SMG7: variants seen among roughly 807,000 people sequenced by gnomAD.
SMG7 encodes nonsense-mediated mRNA decay factor SMG7.
A neutral mutation model predicts 148.2 loss-of-function variants in SMG7; 34 were observed. The ratio of observed to expected loss-of-function variants is 0.23; its 90% CI spans 0.17 to 0.31. SMG7 has a LOEUF of 0.31. SMG7 is among the 10% of genes least tolerant of loss of function. The probability of loss-of-function intolerance (pLI) is 1.00; values close to 1 mark genes in which losing one functional copy is unlikely to be tolerated. For synonymous variants in SMG7, 492 were observed against 515.1 expected (o/e 0.96, Z 0.61); for missense variants, 1,114 against 1,408.4 (o/e 0.79, Z 3.35).
intron 10 of SMG7, among the ~76,000 whole-genome samples, chr1:183,534,328 C>T (rs1667363538): frequency 6.6e-6 from 1 of 152,186 alleles, no homozygotes; most frequent in African/African-American, 2.4e-5. Context: ...TCTCTACTCA[C>T]AGTAATTCTG....
Position 183,473,551 on chromosome 1 carries a change from T to A in SMG7, c.29+902T>A, listed in dbSNP as rs930275596. On this transcript the variant is annotated intron_variant, in intron 1 of 22. Coordinates refer to ENST00000688051, the MANE Select transcript of SMG7 (RefSeq NM_001375584.1). ...TTGAATGGAAGGACACCAGCTTTTG[T>A]GTCAGCTGAAAGGTTCCATGGAAGC... 8.5e-5 allele frequency among the ~76,000 whole-genome samples: 13 copies of A among 152,100 alleles called. 1 individual carries two copies. Among genetic ancestry groups the A allele is most frequent in the Non-Finnish European group, 1.9e-4 (13 of 68,008 alleles).
intron 1 of SMG7, among the ~76,000 whole-genome samples, chr1:183,498,489 G>A (rs1443551970): frequency 6.6e-6 from 1 of 152,210 alleles, no homozygotes; most frequent in Non-Finnish European, 1.5e-5. Flanking sequence ...CTGCACTCCA[G>A]TCTGGGCAAT....
chr1:183,540,149 T>C (rs565532959), intron 12 of SMG7, among the ~76,000 whole-genome samples: 2 of 152,308 alleles, frequency 1.3e-5, no homozygotes, highest in African/African-American at 4.8e-5. Context: ...GCCTAGAACA[T>C]TTCCTTCTCC....
At position 183,542,212 on chromosome 1, in the gene SMG7, G is replaced by T. The variant is rs200975090; in HGVS notation, c.1552G>T (p.Asp518Tyr). 3.7e-6 allele frequency: 6 copies of T among 1,614,092 alleles called. No individual in the cohort carries two copies. Among genetic ancestry groups the T allele is most frequent in the East Asian group, 4.5e-5 (2 of 44,868 alleles). The change falls in exon 14 of 23, where the codon GAT (aspartate) becomes TAT (tyrosine). Residue 518 changes from aspartate (D) to tyrosine (Y), a missense_variant. Asp to Tyr is a radical substitution (Grantham distance 160). Around this residue, in one of 4 missense-constraint regions of SMG7, gnomAD observed 788 missense variants for 894.5 expected, o/e 0.88. Coordinates refer to ENST00000688051, the MANE Select transcript of SMG7 (RefSeq NM_001375584.1). Reference protein sequence around the residue: ...ETSVIESLAADGSPGLKSVLS... With the variant: ...ETSVIESLAAYGSPGLKSVLS... ...ATCTGTGATAGAGTCGCTGGCTGCAGATGGGAGCCCAGGGCTAAAATCAGT... is the reference window on the plus strand; with the variant it reads ...ATCTGTGATAGAGTCGCTGGCTGCATATGGGAGCCCAGGGCTAAAATCAGT...
intron 18 of SMG7, among the ~76,000 whole-genome samples, chr1:183,547,923 A>G (rs954596607): frequency 1.3e-5 from 2 of 152,166 alleles, no homozygotes; most frequent in Non-Finnish European, 2.9e-5. Flanking sequence ...CAGTGTTCAT[A>G]TTATATTTTA....
chr1:183,500,090 GAGAT>G (rs1383994977), intron 1 of SMG7, among the ~76,000 whole-genome samples: 1 of 152,142 alleles, frequency 6.6e-6, no homozygotes, highest in Non-Finnish European at 1.5e-5. Flanking sequence ...TGTAAAAATT[GAGAT>G]GAGGGGAAAT....
chr1:183,526,137 A>T (rs1004239290), intron 4 of SMG7, among the ~76,000 whole-genome samples: 23 of 139,732 alleles, frequency 1.6e-4, no homozygotes, highest in South Asian at 6.8e-4. Context: ...ATTAACGTAT[A>T]ATATATATAT....
At position 183,473,973 on chromosome 1, in the gene SMG7, A is replaced by T. The variant is rs147054706; in HGVS notation, c.29+1324A>T. 9.0e-4 allele frequency: 543 copies of T among 601,176 alleles called. 16 individuals are homozygous for T. In the East Asian group the frequency reaches 0.058, roughly 64 times the overall value. The allele number at this position is 601,176 out of a possible 1,614,324, so 37.2% of individuals were successfully genotyped here. A position where few individuals can be genotyped will look rare whatever the true frequency, so the allele number is the denominator to read the frequency against. On this transcript the variant is annotated intron_variant, in intron 1 of 22. Transcript: ENST00000688051. ...TAAAGTTTTATTAAGCATAATAGGG[A>T]GAGAAGAGAATGATGAGATATTTGA... is the stretch of plus-strand genomic sequence containing the variant.
intron 1 of SMG7, among the ~76,000 whole-genome samples, chr1:183,491,422 T>C (rs1321779148): frequency 6.6e-6 from 1 of 152,234 alleles, no homozygotes; most frequent in African/African-American, 2.4e-5. Flanking sequence ...TCTAAGTCTT[T>C]TTGTGTACAT....
At chr1:183,515,176 C>T (rs1203348468) in intron 2 of SMG7, among the ~76,000 whole-genome samples, 1 of 152,052 alleles carries the variant, frequency 6.6e-6, no homozygotes, top group Non-Finnish European at 1.5e-5. Flanking sequence ...CATTCTACAC[C>T]CAGTCTCTCA....
In SMG7 at chr1:183,522,030, A is replaced by G. The variant is rs76786306; in HGVS notation, c.312+4210A>G. Among the ~76,000 whole-genome samples, 1,012 of 152,258 alleles carry G rather than the reference A, an allele frequency of 6.6e-3. 12 individuals are homozygous for G. The highest frequency in any genetic ancestry group is 0.023 in the African/African-American group (961 of 41,554). ...TTCCTGTTGGCCATACTTGGATTAG[A>G]TGGATTGGATTGAATTTCTGGAATC... is the stretch of plus-strand genomic sequence containing the variant. On this transcript the variant is annotated intron_variant, in intron 4 of 22. Transcript: ENST00000688051.
At chr1:183,541,893 G>A (rs1394659361) in intron 13 of SMG7, among the ~76,000 whole-genome samples, 183 bp from the exon 14 acceptor site, 1 of 152,194 alleles carries the variant, frequency 6.6e-6, no homozygotes, top group Admixed American at 6.5e-5. Context: ...GATGTTAAGT[G>A]TGATAATGAG....
intron 21 of SMG7, 47 bp from the exon 22 acceptor site, chr1:183,550,998 T>C: frequency 6.2e-7 from 1 of 1,613,752 alleles, no homozygotes; most frequent in Non-Finnish European, 8.5e-7. Flanking sequence ...CAATTGGCAG[T>C]GATAGAACAT....
intron 2 of SMG7, among the ~76,000 whole-genome samples, chr1:183,514,634 A>G (rs554695295): frequency 2.0e-5 from 3 of 152,346 alleles, no homozygotes; most frequent in East Asian, 3.9e-4. Flanking sequence ...TTTGACCTTT[A>G]TAGGGGACCT....
chr1:183,544,518 C>T lies in SMG7; in HGVS notation c.1987+21C>T, dbSNP rs200503144. The T allele has an allele frequency of 5.0e-6, 8 of 1,610,232 alleles. No homozygotes were observed. The South Asian group carries it at 5.5e-5, about 11-fold the overall frequency. ...GCCAGGTAAATATGTTTTGTAATTTCTTCTACTTAATCTTTTCTGTGCAAG... is the reference window on the plus strand; with the variant it reads ...GCCAGGTAAATATGTTTTGTAATTTTTTCTACTTAATCTTTTCTGTGCAAG... On this transcript the variant is annotated intron_variant, in intron 15 of 22. Coordinates refer to ENST00000688051, the MANE Select transcript of SMG7 (RefSeq NM_001375584.1).
chr1:183,494,889 G>A (rs1342515679), intron 1 of SMG7, among the ~76,000 whole-genome samples: 3 of 149,382 alleles, frequency 2.0e-5, no homozygotes, highest in Admixed American at 1.3e-4. Context: ...GAGTGCAGTG[G>A]TGCAATCTCG....
intron 13 of SMG7, among the ~76,000 whole-genome samples, 193 bp from the exon 14 acceptor site, chr1:183,541,883 G>A (rs776679040): frequency 5.9e-5 from 9 of 152,158 alleles, no homozygotes; most frequent in Non-Finnish European, 1.0e-4. Context: ...AGGTTGTGAC[G>A]ATGTTAAGTG....
chr1:183,480,562 A>G (rs1042718301), intron 1 of SMG7, among the ~76,000 whole-genome samples: 4 of 151,836 alleles, frequency 2.6e-5, no homozygotes, highest in Non-Finnish European at 4.4e-5. Flanking sequence ...CCTTCTATCC[A>G]TTCCACCAAT....
Position 183,529,047 on chromosome 1 carries a change from G to A in SMG7, c.707+5G>A. The A allele has an allele frequency of 1.3e-6, 2 of 1,589,358 alleles. No individual in the cohort carries two copies. Among genetic ancestry groups the A allele is most frequent in the Non-Finnish European group, 8.5e-7 (1 of 1,172,714 alleles). ...ACTTTCTAAAGCACTGGAAAGGTAGGGTTGTTTGGTTTTTTTTTTCTCTTT... is the reference window on the plus strand; with the variant it reads ...ACTTTCTAAAGCACTGGAAAGGTAGAGTTGTTTGGTTTTTTTTTTCTCTTT... On this transcript the variant is annotated splice_donor_5th_base_variant and intron_variant, in intron 7 of 22. Transcript: ENST00000688051.
Sources: gnomAD v4.1 joint callset for allele counts (sites outside exome capture counted in the v4.1 genomes callset) on GRCh38, gnomAD v4.1.1 for gene constraint, gnomAD v4.1.1 regional missense constraint, MANE v1.5 for transcripts, NCBI Gene and HGNC (gene_info 2026-07-23, HGNC 2026-07-21) for gene names.